The following LGR5 variants were observed in gnomAD, a reference collection of about 807,000 sequenced individuals.
The protein encoded by LGR5 is leucine rich repeat containing G protein-coupled receptor 5.
A neutral mutation model predicts 76.7 loss-of-function variants in LGR5; 54 were observed. That is an observed-to-expected ratio of 0.70 (90% confidence interval 0.57 to 0.88). LGR5 has a LOEUF of 0.88. Ranked by LOEUF, LGR5 falls within the 40% of genes least tolerant of loss-of-function variation. LGR5 has a pLI of 0.00. For synonymous variants in LGR5, 406 were observed against 421.9 expected (o/e 0.96, Z 0.46); for missense variants, 1,078 against 1,073.3 (o/e 1.00, Z -0.06).
At chr12:71,496,263 C>T (rs958327592) in intron 1 of LGR5, among the ~76,000 whole-genome samples, 1 of 149,792 alleles carries the variant, frequency 6.7e-6, no homozygotes, top group Non-Finnish European at 1.5e-5. Context: ...ACCAGATACT[C>T]GGGAGGCTGA....
intron 1 of LGR5, among the ~76,000 whole-genome samples, chr12:71,469,456 C>T (rs1424896920): frequency 1.3e-5 from 2 of 152,222 alleles, no homozygotes; most frequent in Non-Finnish European, 2.9e-5. Context: ...AATTGCCTGC[C>T]TCCGCGTGGG....
chr12:71,528,025 G>T (rs1876105719), intron 3 of LGR5, among the ~76,000 whole-genome samples: 1 of 152,096 alleles, frequency 6.6e-6, no homozygotes, highest in Non-Finnish European at 1.5e-5. Flanking sequence ...AAGATGTTCT[G>T]CATATGCTTA....
intron 2 of LGR5, among the ~76,000 whole-genome samples, chr12:71,517,628 G>A (rs1211969284): frequency 6.6e-6 from 1 of 152,210 alleles, no homozygotes; most frequent in Non-Finnish European, 1.5e-5. Context: ...GCTCACAAAT[G>A]CACTGTTGAA....
At chr12:71,555,522 A>T (rs1877713817) in intron 5 of LGR5, among the ~76,000 whole-genome samples, 1 of 152,180 alleles carries the variant, frequency 6.6e-6, no homozygotes, top group Non-Finnish European at 1.5e-5. Flanking sequence ...GAAAAATCTG[A>T]TTACCATTGC....
chr12:71,543,125 G>T (rs1253361679), intron 4 of LGR5, among the ~76,000 whole-genome samples: 2 of 152,096 alleles, frequency 1.3e-5, no homozygotes, highest in Non-Finnish European at 2.9e-5. Context: ...CAGCTGCTCA[G>T]ACAAGATCGG....
At position 71,469,237 on chromosome 12, in the gene LGR5, T is replaced by C. The variant is rs183880049; in HGVS notation, c.212+28945T>C. 1.5e-3 allele frequency among the ~76,000 whole-genome samples: 222 copies of C among 152,346 alleles called. 2 individuals are homozygous for C. The highest frequency in any genetic ancestry group is 4.9e-3 in the African/African-American group (204 of 41,588). On this transcript the variant is annotated intron_variant, in intron 1 of 17. Transcript: ENST00000266674. ...AGATTATATTTAAAACATTTCTTCA[T>C]AGGGTAAAAATCTGAATGCAATTTT...
At position 71,580,376 on chromosome 12, in the gene LGR5, G is replaced by A. The variant is rs1207534307; in HGVS notation, c.1505G>A (p.Ser502Asn). The change falls in exon 16 of 18, where the codon AGT becomes AAT. Residue 502 changes from serine (S) to asparagine (N), a missense_variant. Physicochemically the swap from Ser to Asn is conservative, Grantham distance 46 (BLOSUM62 1). Transcript: ENST00000266674. ...SNQWNKGDNS[S>N]MDDLHKKDAG... is the part of the protein sequence containing the mutation. ...CAATGGAATAAAGGTGACAACAGCA[G>A]TATGGACGACCTTCATAAGAAAGAT... 1.2e-6 allele frequency: 2 copies of A among 1,614,074 alleles called. No homozygotes were observed. The highest frequency in any genetic ancestry group is 1.6e-4 in the Middle Eastern group (1 of 6,062).
At chr12:71,482,147 A>G (rs1233720041) in intron 1 of LGR5, among the ~76,000 whole-genome samples, 4 of 152,232 alleles carry the variant, frequency 2.6e-5, no homozygotes, top group Non-Finnish European at 5.9e-5. Flanking sequence ...CAAACCTAAT[A>G]GTTTTCTGTG....
At chr12:71,527,458 T>C (rs948422332) in intron 3 of LGR5, among the ~76,000 whole-genome samples, 4 of 152,126 alleles carry the variant, frequency 2.6e-5, no homozygotes, top group African/African-American at 9.7e-5. Flanking sequence ...CTCTGGAGGA[T>C]AGGAATGCTG....
At chr12:71,492,817 G>A (rs966178237) in intron 1 of LGR5, among the ~76,000 whole-genome samples, 6 of 145,602 alleles carry the variant, frequency 4.1e-5, no homozygotes, top group Admixed American at 2.0e-4. Context: ...AGGCCCTCTT[G>A]GACTTTGTCC....
intron 1 of LGR5, chr12:71,448,873 C>T (rs969586639): frequency 2.0e-5 from 3 of 152,130 alleles, no homozygotes. Context: ...ACTTCCTGTC[C>T]TGAAGGGACC....
chr12:71,582,659 A>T (rs1381013560), intron 17 of LGR5, 120 bp downstream of exon 17: 26 of 705,178 alleles, frequency 3.7e-5, no homozygotes, highest in Non-Finnish European at 5.8e-5. Context: ...CTCATCAGTA[A>T]CCCTCCCCAT....
chr12:71,514,983 G>A (rs1875366619), intron 2 of LGR5, among the ~76,000 whole-genome samples: 1 of 152,120 alleles, frequency 6.6e-6, no homozygotes, highest in Non-Finnish European at 1.5e-5. Flanking sequence ...GCACTAAATT[G>A]GCTTCTGCAA....
intron 1 of LGR5, among the ~76,000 whole-genome samples, chr12:71,459,090 T>C (rs1345809916): frequency 6.6e-6 from 1 of 152,046 alleles, no homozygotes; most frequent in African/African-American, 2.4e-5. Flanking sequence ...TAGCATGACC[T>C]AGTAAGACCA....
chr12:71,513,743 C>G (rs4760802), intron 2 of LGR5, among the ~76,000 whole-genome samples: 1 of 152,056 alleles, frequency 6.6e-6, no homozygotes, highest in Non-Finnish European at 1.5e-5. Flanking sequence ...TGAAAGTGCT[C>G]TAAGAAATTG....
At chr12:71,446,475 C>A (rs923022705) in intron 1 of LGR5, among the ~76,000 whole-genome samples, 2 of 152,192 alleles carry the variant, frequency 1.3e-5, no homozygotes, top group African/African-American at 4.8e-5. Flanking sequence ...TCAGTCAATA[C>A]CCCCCTTGTG....
At chr12:71,542,202 A>G (rs1295364570) in intron 4 of LGR5, among the ~76,000 whole-genome samples, 2 of 152,226 alleles carry the variant, frequency 1.3e-5, no homozygotes, top group Non-Finnish European at 2.9e-5. Flanking sequence ...AAGGCATCCT[A>G]CTGCTAATGC....
chr12:71,566,582 C>T (rs751460484), intron 9 of LGR5, 50 bp from the exon 10 acceptor site: 2 of 1,551,408 alleles, frequency 1.3e-6, no homozygotes, highest in East Asian at 2.2e-5. Flanking sequence ...ATAAAAATTA[C>T]CCCTGTCTAG....
At chr12:71,577,796 T>G in intron 13 of LGR5, 129 bp from the exon 14 acceptor site, 1 of 617,140 alleles carries the variant, frequency 1.6e-6, no homozygotes, top group Non-Finnish European at 2.9e-6. Context: ...GAAGGGCAGT[T>G]TGATAAGTTA....
Sources: allele counts gnomAD v4.1 joint callset (sites outside exome capture counted in the v4.1 genomes callset), GRCh38; gene constraint gnomAD v4.1.1; transcripts MANE v1.5; gene names NCBI Gene and HGNC (gene_info 2026-07-23, HGNC 2026-07-21).